Variants in ATRN observed in about 807,000 individuals in gnomAD.
ATRN encodes attractin-2.
ATRN carries 54 observed loss-of-function variants against 178.7 expected under a neutral mutation model. That is an observed-to-expected ratio of 0.30 (90% CI 0.24 to 0.38). The LOEUF (loss-of-function observed/expected upper bound fraction) is 0.38, where lower values mean the gene tolerates loss of function less well. Among genes scored for constraint, ATRN ranks in the 10% least tolerant of loss-of-function variants. ATRN has a pLI of 1.00. For synonymous variants in ATRN, 636 were observed against 663.0 expected, an observed-to-expected ratio of 0.96 and a Z score of 0.63; for missense variants, 1,443 against 1,815.1, an observed-to-expected ratio of 0.79 and a Z score of 3.73.
At position 3,644,227 on chromosome 20, in the gene ATRN, T is replaced by C; in HGVS notation, c.4124T>C (p.Leu1375Pro). Reference sequence around the variant, plus strand: ...GCTGTCCTCTCTGTGTTTGTGAGGCTCCCTCGAGGCCTGGGTGGCATCCCT... The same window carrying C: ...GCTGTCCTCTCTGTGTTTGTGAGGCCCCCTCGAGGCCTGGGTGGCATCCCT... The part of the protein sequence containing the change: ...KAAVLSVFVR[L>P]PRGLGGIPPP... Residue 1375 changes from leucine (L) to proline (P), a missense_variant, in exon 28 of 29, where the codon CTC becomes CCC. Physicochemically the swap from Leu to Pro is moderately conservative, Grantham distance 98. Transcript: ENST00000262919. 1 of 1,614,156 alleles carries C rather than the reference T, an allele frequency of 6.2e-7. No homozygotes were observed. Among genetic ancestry groups the C allele is most frequent in the Admixed American group, 1.7e-5 (1 of 60,022 alleles).
rs1491340714 is a variant in ATRN, at chr20:3,512,108, T to TATA, written c.411-23145_411-23144insATA. On this transcript the variant is annotated intron_variant, in intron 1 of 28. Transcript: ENST00000262919. ...TTTTATATATATATATATATATATA[T>TATA]TTTTTTTTTTTATTATACTTTAAGT... is the stretch of plus-strand genomic sequence containing the variant. Among the ~76,000 whole-genome samples, 641 of 100,700 alleles carry TATA rather than the reference T, an allele frequency of 6.4e-3. 5 individuals are homozygous for TATA. The highest frequency in any genetic ancestry group is 0.025 in the African/African-American group (535 of 21,832). 66.1% of individuals were successfully genotyped at this position (100,700 alleles called of 152,430 possible). A position where few individuals can be genotyped will look rare whatever the true frequency, so the allele number is the denominator to read the frequency against.
At chr20:3,646,503 T>C (rs900284675) in intron 28 of ATRN, among the ~76,000 whole-genome samples, 5 of 152,166 alleles carry the variant, frequency 3.3e-5, no homozygotes, top group African/African-American at 1.2e-4. Flanking sequence ...TAAAAATTAG[T>C]GAAAGCGTTT....
intron 25 of ATRN, among the ~76,000 whole-genome samples, chr20:3,625,519 GCCTAC>G: frequency 6.6e-6 from 1 of 152,164 alleles, no homozygotes; most frequent in East Asian, 1.9e-4. Flanking sequence ...TTTTCTATGT[GCCTAC>G]CCCTGATTTA....
At chr20:3,605,209 C>A (rs1456871030) in intron 24 of ATRN, among the ~76,000 whole-genome samples, 4 of 152,116 alleles carry the variant, frequency 2.6e-5, no homozygotes, top group African/African-American at 9.7e-5. Flanking sequence ...AGTGAGATAC[C>A]ATCTCACACC....
At chr20:3,637,796 C>G (rs372401302) in intron 26 of ATRN, among the ~76,000 whole-genome samples, 1 of 152,200 alleles carries the variant, frequency 6.6e-6, no homozygotes, top group South Asian at 2.1e-4. Flanking sequence ...TAAGGTCACA[C>G]AGCTGTAGAC....
At chr20:3,564,753 G>A (rs2086007735) in intron 10 of ATRN, among the ~76,000 whole-genome samples, 1 of 152,116 alleles carries the variant, frequency 6.6e-6, no homozygotes, top group Admixed American at 6.5e-5. Context: ...TTTGTAGAAT[G>A]TAAAATTTGC....
At chr20:3,639,543 G>A (rs1189082613) in intron 27 of ATRN, among the ~76,000 whole-genome samples, 5 of 151,954 alleles carry the variant, frequency 3.3e-5, no homozygotes, top group South Asian at 2.1e-4. Flanking sequence ...GTGAACCACC[G>A]CACCCAGCCT....
intron 24 of ATRN, among the ~76,000 whole-genome samples, chr20:3,616,655 G>C (rs1454751792): frequency 6.6e-6 from 1 of 152,116 alleles, no homozygotes; most frequent in African/African-American, 2.4e-5. Context: ...CTTGAGTCCT[G>C]ATGTGACTGG....
chr20:3,573,065 T>G, intron 12 of ATRN, 114 bp downstream of exon 12: 1 of 939,324 alleles, frequency 1.1e-6, no homozygotes, highest in Non-Finnish European at 1.6e-6. Flanking sequence ...CCAAAATTAT[T>G]CAGTAATAAC....
intron 18 of ATRN, among the ~76,000 whole-genome samples, chr20:3,585,780 G>T (rs2146263452): frequency 6.6e-6 from 1 of 152,142 alleles, no homozygotes; most frequent in South Asian, 2.1e-4. Flanking sequence ...ATGGATAAAG[G>T]ATTTAAATAG....
chr20:3,536,184 A>G (rs1411010396), intron 2 of ATRN, among the ~76,000 whole-genome samples: 2 of 151,912 alleles, frequency 1.3e-5, no homozygotes, highest in African/African-American at 4.8e-5. Context: ...AACTTTGAGG[A>G]TTCCAAATAA....
intron 11 of ATRN, among the ~76,000 whole-genome samples, chr20:3,569,017 G>T (rs2086078121): frequency 6.6e-6 from 1 of 152,142 alleles, no homozygotes; most frequent in African/African-American, 2.4e-5. Context: ...TTTGACCTTA[G>T]CCGGTAATAT....
chr20:3,543,461 C>G (rs1341313097), intron 3 of ATRN, among the ~76,000 whole-genome samples: 1 of 152,162 alleles, frequency 6.6e-6, no homozygotes, highest in Non-Finnish European at 1.5e-5. Context: ...GTGGCTCACA[C>G]CTGTAATCCC....
chr20:3,549,427 C>A, intron 6 of ATRN, 89 bp downstream of exon 6: 2 of 1,127,304 alleles, frequency 1.8e-6, no homozygotes, highest in Non-Finnish European at 2.4e-6. Context: ...AATCACCAGT[C>A]ATTCTACTAC....
chr20:3,584,515 A>C, intron 17 of ATRN, 132 bp from the exon 18 acceptor site: 2 of 700,988 alleles, frequency 2.9e-6, no homozygotes, highest in South Asian at 3.9e-5. Context: ...TACATTCATT[A>C]TCTCTTTTAA....
chr20:3,572,858 G>T lies in ATRN; in HGVS notation c.1999G>T (p.Val667Leu), dbSNP rs1171559478. ...AGCAGCAGGACCTGGTATTCGGTGT[G>T]TGTGGAACACAGGGTCGTCTCAGTG... is the stretch of plus-strand genomic sequence containing the variant. ...CLAAGPGIRC[V>L]WNTGSSQCIS... is the part of the protein sequence containing the mutation. The change falls in exon 12 of 29, where the codon GTG becomes TTG. Residue 667 changes from valine (V) to leucine (L), a missense_variant. By Grantham distance (32) the Val-to-Leu change is conservative. Around this residue, in one of 4 missense-constraint regions of ATRN, gnomAD observed 862 missense variants for 972.1 expected, o/e 0.89. Coordinates refer to ENST00000262919, the MANE Select transcript of ATRN (RefSeq NM_139321.3). 2 of 1,613,810 alleles carry T rather than the reference G, an allele frequency of 1.2e-6. No individual in the cohort carries two copies. Among genetic ancestry groups the T allele is most frequent in the Admixed American group, 3.3e-5 (2 of 59,954 alleles).
chr20:3,481,414 C>T (rs114201686), intron 1 of ATRN, among the ~76,000 whole-genome samples: 169 of 152,294 alleles, frequency 1.1e-3, no homozygotes, highest in African/African-American at 3.8e-3. Context: ...AATCACTGCT[C>T]ACTGCAGCCT....
At chr20:3,644,490 T>C (rs2087092886) in intron 28 of ATRN, among the ~76,000 whole-genome samples, 1 of 152,224 alleles carries the variant, frequency 6.6e-6, no homozygotes, top group African/African-American at 2.4e-5. Flanking sequence ...CGGGACCTCC[T>C]CACCGTTCTG....
In ATRN at chr20:3,646,930, T is replaced by C. The variant is rs2087112358; in HGVS notation, c.*83T>C. On this transcript the variant is annotated 3_prime_UTR_variant, in exon 29 of 29. Coordinates refer to ENST00000262919, the MANE Select transcript of ATRN (RefSeq NM_139321.3). ...TGCAGGGAAGGGCGTGGCGGGGAAA[T>C]GGCTGTGCGGTGCGGGACGGAAGAC... 1 of 1,556,428 alleles carries C rather than the reference T, an allele frequency of 6.4e-7. No homozygotes were observed.
Sources: allele counts gnomAD v4.1 joint callset (sites outside exome capture counted in the v4.1 genomes callset), GRCh38; gene constraint gnomAD v4.1.1; regional missense constraint gnomAD v4.1.1; transcripts MANE v1.5; gene names NCBI Gene and HGNC (gene_info 2026-07-23, HGNC 2026-07-21).